OPA3: variants seen among roughly 807,000 people sequenced by gnomAD.
OPA3 encodes optic atrophy 3 protein.
In OPA3, 6 loss-of-function variants were observed where a neutral mutation model predicts 4.0. The observed-to-expected ratio is 1.51, with a 90% confidence interval of 0.83 to 2.99. OPA3 has a LOEUF of 2.99. OPA3 is among the 30% of genes most tolerant of loss of function. The pLI, the probability that OPA3 is intolerant of heterozygous loss-of-function variation, is 0.00. For synonymous variants in OPA3, 105 were observed against 117.1 expected (o/e 0.90, Z 0.67); for missense variants, 235 against 256.2 (o/e 0.92, Z 0.56).
Position 45,550,853 on chromosome 19 carries a change from G to A in OPA3, c.*2661C>T, listed in dbSNP as rs992021256. The A allele has an allele frequency of 4.6e-5, 45 of 985,880 alleles. No individual in the cohort carries two copies. Among genetic ancestry groups the A allele is most frequent in the African/African-American group, 1.9e-4 (11 of 57,336 alleles). The allele number at this position is 985,880 out of a possible 1,614,324, so 61.1% of individuals were successfully genotyped here. A position where few individuals can be genotyped will look rare whatever the true frequency, so the allele number is the denominator to read the frequency against. On this transcript the variant is annotated 3_prime_UTR_variant, in exon 2 of 2. Coordinates refer to ENST00000263275, the MANE Select transcript of OPA3 (RefSeq NM_025136.4). ...AGGCTACTGGGACCCACCCCCTCCC[G>A]CTTCAGTGGCAGATCCTGGAAGAGA...
At chr19:45,582,209 G>A (rs1299164719) in intron 1 of OPA3, among the ~76,000 whole-genome samples, 1 of 151,170 alleles carries the variant, frequency 6.6e-6, no homozygotes, top group Non-Finnish European at 1.5e-5. Context: ...CGCCTGGGCT[G>A]GAATGAAGTG....
Position 45,553,471 on chromosome 19 carries a change from G to T in OPA3, c.*43C>A, listed in dbSNP as rs749792566. 1.9e-6 allele frequency: 3 copies of T among 1,609,928 alleles called. No homozygotes were observed. The highest frequency in any genetic ancestry group is 2.5e-6 in the Non-Finnish European group (3 of 1,179,940). ...TGGTGCGGGAAGAAGGCCACGTTAG[G>T]TACATAGGCCATGTCCAAATTCAGG... On this transcript the variant is annotated 3_prime_UTR_variant, in exon 2 of 2. Coordinates refer to ENST00000263275, the MANE Select transcript of OPA3 (RefSeq NM_025136.4).
At chr19:45,574,321 C>T (rs1037613597) in intron 1 of OPA3, among the ~76,000 whole-genome samples, 1 of 145,084 alleles carries the variant, frequency 6.9e-6, no homozygotes, top group Non-Finnish European at 1.5e-5. Context: ...GGCGTGAACC[C>T]GGGAGGCGGA....
At chr19:45,555,657 A>AT (rs1162138073) in intron 1 of OPA3, among the ~76,000 whole-genome samples, 2 of 151,938 alleles carry the variant, frequency 1.3e-5, no homozygotes, top group African/African-American at 2.4e-5. Context: ...CGCCCAGCTA[A>AT]TTTTTTTATA....
chr19:45,537,082 A>C (rs1374982964), intron 1 of OPA3, among the ~76,000 whole-genome samples: 1 of 152,188 alleles, frequency 6.6e-6, no homozygotes, highest in Non-Finnish European at 1.5e-5. Flanking sequence ...ATAAAAAATT[A>C]GCCCGGTATG....
intron 1 of OPA3, among the ~76,000 whole-genome samples, chr19:45,571,839 G>A (rs895171201): frequency 6.6e-6 from 1 of 152,044 alleles, no homozygotes; most frequent in Non-Finnish European, 1.5e-5. Flanking sequence ...TGTTTAACCT[G>A]GTGGTTAGTT....
At position 45,530,927 on chromosome 19, in the gene OPA3, C is replaced by CTTTTTT. The variant is rs71173176; in HGVS notation, c.143-1477_143-1472dup. On this transcript the variant is annotated intron_variant, in intron 1 of 1. Coordinates refer to the OPA3 transcript ENST00000323060. Reference sequence around the variant, plus strand: ...ATGGCGTGTGCCACCATGTCACCTACTTTTTTTTTTTTTTTTTTTTTTTTT... The same window carrying CTTTTTT: ...ATGGCGTGTGCCACCATGTCACCTACTTTTTTTTTTTTTTTTTTTTTTTTTTTTTTT... Among the ~76,000 whole-genome samples, 49 of 35,448 alleles carry CTTTTTT rather than the reference C, an allele frequency of 1.4e-3. 3 individuals carry two copies. Among genetic ancestry groups the CTTTTTT allele is most frequent in the Non-Finnish European group, 1.7e-3 (32 of 19,034 alleles). 23.3% of individuals were successfully genotyped at this position (35,448 alleles called of 152,430 possible).
chr19:45,581,757 C>T (rs1443866437), intron 1 of OPA3, among the ~76,000 whole-genome samples: 2 of 152,186 alleles, frequency 1.3e-5, no homozygotes, highest in African/African-American at 4.8e-5. Flanking sequence ...AACTGCAAGA[C>T]AAAGAGTAAT....
chr19:45,575,669 C>T (rs1412989650), intron 1 of OPA3, among the ~76,000 whole-genome samples: 4 of 152,098 alleles, frequency 2.6e-5, no homozygotes, highest in Non-Finnish European at 2.9e-5. Flanking sequence ...TGCAGGGGTG[C>T]GGTCACAGCT....
At chr19:45,572,596 T>TA (rs60346620) in intron 1 of OPA3, among the ~76,000 whole-genome samples, 1 of 129,828 alleles carries the variant, frequency 7.7e-6, no homozygotes, top group African/African-American at 2.9e-5. Context: ...AATATATATA[T>TA]TGATATATAT....
intron 1 of OPA3, among the ~76,000 whole-genome samples, chr19:45,572,470 T>C (rs1289022610): frequency 2.2e-5 from 3 of 134,816 alleles, no homozygotes; most frequent in Non-Finnish European, 4.7e-5. Flanking sequence ...TCATATATCA[T>C]ATAATAATCA....
intron 1 of OPA3, among the ~76,000 whole-genome samples, chr19:45,570,183 G>A (rs1969640484): frequency 1.3e-5 from 2 of 152,136 alleles, no homozygotes; most frequent in East Asian, 1.9e-4. Flanking sequence ...TCTACACAGG[G>A]GCTTCTGAAA....
chr19:45,558,810 G>C (rs1194314377), intron 1 of OPA3, among the ~76,000 whole-genome samples: 1 of 151,158 alleles, frequency 6.6e-6, no homozygotes. Context: ...GCAATGCAGT[G>C]GCCATGGAAA....
At chr19:45,556,258 C>CTCA (rs1241684172) in intron 1 of OPA3, among the ~76,000 whole-genome samples, 1 of 152,190 alleles carries the variant, frequency 6.6e-6, no homozygotes, top group Admixed American at 6.6e-5. Flanking sequence ...ATCTTCCCAC[C>CTCA]TCAGCCTCCT....
intron 1 of OPA3, among the ~76,000 whole-genome samples, chr19:45,572,387 T>C (rs953520083): frequency 7.6e-6 from 1 of 131,490 alleles, no homozygotes; most frequent in African/African-American, 2.8e-5. Flanking sequence ...ATATCTCATA[T>C]ATATCAACAT....
At chr19:45,543,153 G>A (rs1200497522), downstream of OPA3, among the ~76,000 whole-genome samples, 1 of 151,628 alleles carries the variant, frequency 6.6e-6, no homozygotes, top group Admixed American at 6.6e-5. Flanking sequence ...GGGACTACAG[G>A]AGCATGACAC....
chr19:45,529,431 G>C (rs747666099), exon 2 of OPA3: 1 of 1,614,198 alleles, frequency 6.2e-7, no homozygotes, highest in African/African-American at 1.3e-5. Context: ...TGCGCATTTT[G>C]GTCCGCATCT....
chr19:45,580,651 C>T lies in OPA3; in HGVS notation c.142+3972G>A, dbSNP rs1969841106. Among the ~76,000 whole-genome samples the T allele has an allele frequency of 2.0e-5, 3 of 147,960 alleles. No homozygotes were observed. The Admixed American group carries it at 2.1e-4, about 10-fold the overall frequency. ...ATTTATTTATTGAGACAGAGTCTCG[C>T]TCTGTCGCCCAAGCTGGAGTGCAGT... On this transcript the variant is annotated intron_variant, in intron 1 of 1. Coordinates refer to ENST00000263275, the MANE Select transcript of OPA3 (RefSeq NM_025136.4).
Position 45,553,875 on chromosome 19 carries a change from A to G in OPA3, c.179T>C (p.Ile60Thr). ...HWVEMRTKMRIMGFRGTVIKP... is the reference protein window; with the variant it reads ...HWVEMRTKMRTMGFRGTVIKP... The stretch of plus-strand genomic sequence containing the variant: ...GATGACCGTGCCCCGGAAGCCCATG[A>G]TGCGCATCTTGGTCCGCATCTCCAC... The change falls in exon 2 of 2, where the codon ATC becomes ACC. Residue 60 changes from isoleucine to threonine, a missense_variant. Ile to Thr is a moderately conservative substitution (Grantham distance 89, BLOSUM62 -1). Transcript: ENST00000263275. The G allele has an allele frequency of 1.9e-6, 3 of 1,610,578 alleles. No individual in the cohort carries two copies. Among genetic ancestry groups the G allele is most frequent in the Non-Finnish European group, 2.5e-6 (3 of 1,177,504 alleles).
Sources: gnomAD v4.1 joint callset for allele counts (sites outside exome capture counted in the v4.1 genomes callset) on GRCh38, gnomAD v4.1.1 for gene constraint, MANE v1.5 for transcripts, NCBI Gene and HGNC (gene_info 2026-07-23, HGNC 2026-07-21) for gene names.